TFAP2B: variants seen among roughly 807,000 people sequenced by gnomAD.
The protein encoded by TFAP2B is transcription factor AP-2 beta, also known as transcription factor AP-2-beta.
In TFAP2B, 9 loss-of-function variants were observed where a neutral mutation model predicts 44.3. The observed-to-expected ratio is 0.20, with a 90% confidence interval of 0.12 to 0.35. The LOEUF is 0.35. TFAP2B is among the 10% of genes least tolerant of loss of function. The probability of loss-of-function intolerance (pLI) is 1.00; values close to 1 mark genes in which losing one functional copy is unlikely to be tolerated. For missense variants in TFAP2B, 509 were observed against 600.0 expected (o/e 0.85, Z 1.59); for synonymous variants, 270 against 263.8 (o/e 1.02, Z -0.23).
chr6:50,828,386 G>T (rs988656583), intron 2 of TFAP2B, among the ~76,000 whole-genome samples: 2 of 152,094 alleles, frequency 1.3e-5, no homozygotes, highest in Non-Finnish European at 2.9e-5. Flanking sequence ...AACCAATGTT[G>T]CATCCCAGAT....
In TFAP2B at chr6:50,843,151, G is replaced by T. The variant is rs1475171659; in HGVS notation, c.1142G>T (p.Ser381Ile). The change falls in exon 7 of 7, where the codon AGC becomes ATC. Residue 381 changes from serine to isoleucine, a missense_variant. Physicochemically the swap from Ser to Ile is moderately radical, Grantham distance 142. Around this residue, in one of 3 missense-constraint regions of TFAP2B, gnomAD observed 168 missense variants for 183.2 expected, o/e 0.92. Transcript: ENST00000393655. ...CAGGACCGGACACCGATAGGGAACA[G>T]CCGACCCAGCCCCATCCTGGAGCCG... ...LAQDRTPIGN[S>I]RPSPILEPGI... 1 of 1,614,238 alleles carries T rather than the reference G, an allele frequency of 6.2e-7. No individual in the cohort carries two copies. Among genetic ancestry groups the T allele is most frequent in the African/African-American group, 1.3e-5 (1 of 75,066 alleles).
At chr6:50,823,932 G>T in intron 2 of TFAP2B, 67 bp downstream of exon 2, 8 of 1,468,584 alleles carry the variant, frequency 5.4e-6, no homozygotes, top group South Asian at 2.4e-5. Context: ...TGGAGGGGGG[G>T]AGGTCAGGAG....
chr6:50,831,508 G>T (rs879823651), intron 3 of TFAP2B, among the ~76,000 whole-genome samples: 3 of 152,052 alleles, frequency 2.0e-5, no homozygotes, highest in Non-Finnish European at 4.4e-5. Context: ...AATCTAAACC[G>T]GCAGAGGGTG....
Position 50,823,514 on chromosome 6 carries a change from G to T in TFAP2B, c.189G>T (p.Ser63=), listed in dbSNP as rs750506576. The change falls in exon 2 of 7, where the codon TCG becomes TCT. Residue 63 remains serine, a synonymous_variant. Coordinates refer to ENST00000393655, the MANE Select transcript of TFAP2B (RefSeq NM_003221.4). ...CGCCGCTGTCCCACACCCCGTCGTCGGACTTCCAGCCGCCCTACTTCCCAC... is the reference window on the plus strand; with the variant it reads ...CGCCGCTGTCCCACACCCCGTCGTCTGACTTCCAGCCGCCCTACTTCCCAC... The part of the protein sequence containing the change: ...SAPPLSHTPS[S]DFQPPYFPPP... 1.3e-5 allele frequency: 21 copies of T among 1,613,226 alleles called. No individual in the cohort carries two copies. The highest frequency in any genetic ancestry group is 2.2e-5 in the East Asian group (1 of 44,816).
In TFAP2B at chr6:50,843,232, C is replaced by T. The variant is rs777844146; in HGVS notation, c.1223C>T (p.Pro408Leu). ...CTCATCACGCACGGCTTCGGCGCCC[C>T]GGCCATTTGCGCCGCGCTCACGGCC... ...FSLITHGFGA[P>L]AICAALTALQ... The change falls in exon 7 of 7, where the codon CCG (proline) becomes CTG (leucine). Residue 408 changes from proline to leucine, a missense_variant. By Grantham distance (98) the Pro-to-Leu change is moderately conservative. Transcript: ENST00000393655. 6.2e-6 allele frequency: 10 copies of T among 1,614,212 alleles called. No homozygotes were observed. Among genetic ancestry groups the T allele is most frequent in the Non-Finnish European group, 8.5e-6 (10 of 1,180,050 alleles).
At chr6:50,819,619 C>T (rs539550372) in intron 1 of TFAP2B, among the ~76,000 whole-genome samples, 1 of 152,208 alleles carries the variant, frequency 6.6e-6, no homozygotes, top group Non-Finnish European at 1.5e-5. Context: ...GCATCTTTCA[C>T]GGAAATTTCT....
At chr6:50,824,953 G>A (rs907933946) in intron 2 of TFAP2B, among the ~76,000 whole-genome samples, 1 of 152,188 alleles carries the variant, frequency 6.6e-6, no homozygotes, top group African/African-American at 2.4e-5. Context: ...TATTTATTAT[G>A]CATCCTTTGA....
At chr6:50,826,586 C>CGTGT (rs61118072) in intron 2 of TFAP2B, among the ~76,000 whole-genome samples, 49 of 149,636 alleles carry the variant, frequency 3.3e-4, no homozygotes, top group South Asian at 1.9e-3. Flanking sequence ...CGCGCGCGCG[C>CGTGT]GTGTGTGTGT....
Position 50,823,418 on chromosome 6 carries a change from T to C in TFAP2B, c.93T>C (p.Asp31=). 6.3e-7 allele frequency: 1 copy of C among 1,596,742 alleles called. No individual in the cohort carries two copies. The highest frequency in any genetic ancestry group is 8.5e-7 in the Non-Finnish European group (1 of 1,172,028). ...KYEDIYEDRH[D]GVPSHSSRLS... ...CTCTCCGCTCCCAGGACCGGCACGA[T>C]GGTGTCCCGAGCCACAGCTCGCGGC... The change falls in exon 2 of 7, where the codon GAT becomes GAC. Residue 31 remains aspartate, a synonymous_variant. Transcript: ENST00000393655.
chr6:50,824,540 T>C (rs1770450419), intron 2 of TFAP2B, among the ~76,000 whole-genome samples: 1 of 152,204 alleles, frequency 6.6e-6, no homozygotes. Flanking sequence ...TCCATGATGG[T>C]AGATACCATT....
Position 50,843,445 on chromosome 6 carries a change from AC to A in TFAP2B, c.*54del, listed in dbSNP as rs1762775417. 1.3e-6 allele frequency: 2 copies of A among 1,544,606 alleles called. No homozygotes were observed. Among genetic ancestry groups the A allele is most frequent in the Non-Finnish European group, 1.8e-6 (2 of 1,137,198 alleles). ...GTTTTAAATACAAAAGGAAAAACAGACAAAAATTTAATTTTAGCTTTAAAAT... is the reference window on the plus strand; with the variant it reads ...GTTTTAAATACAAAAGGAAAAACAGAAAAAATTTAATTTTAGCTTTAAAAT... On this transcript the variant is annotated 3_prime_UTR_variant, in exon 7 of 7. Coordinates refer to ENST00000393655, the MANE Select transcript of TFAP2B (RefSeq NM_003221.4).
Position 50,823,274 on chromosome 6 carries a change from C to A in TFAP2B, c.82-133C>A, listed in dbSNP as rs140462208. On this transcript the variant is annotated intron_variant, in intron 1 of 6. Coordinates refer to ENST00000393655, the MANE Select transcript of TFAP2B (RefSeq NM_003221.4). Reference sequence around the variant, plus strand: ...CTTCCCTTGTCCCGGGAAGAGCGTACAAAAGCCGGGCTTCTCCATTTGTCA... The same window carrying A: ...CTTCCCTTGTCCCGGGAAGAGCGTAAAAAAGCCGGGCTTCTCCATTTGTCA... 5.5e-4 allele frequency: 455 copies of A among 832,514 alleles called. 4 individuals carry two copies. In the East Asian group the frequency reaches 0.012, roughly 22 times the overall value. 51.6% of individuals were successfully genotyped at this position (832,514 alleles called of 1,614,324 possible). A position where few individuals can be genotyped will look rare whatever the true frequency, so the allele number is the denominator to read the frequency against.
chr6:50,819,767 G>A (rs1243963685), intron 1 of TFAP2B, among the ~76,000 whole-genome samples: 2 of 152,310 alleles, frequency 1.3e-5, no homozygotes, highest in Non-Finnish European at 2.9e-5. Flanking sequence ...TTTCCGGCTC[G>A]GGCGAGGGCT....
At position 50,846,363 on chromosome 6, in the gene TFAP2B, A is replaced by G. The variant is rs1762849443; in HGVS notation, c.*2971A>G. The G allele has an allele frequency of 6.6e-6, 1 of 152,606 alleles. No homozygotes were observed. The highest frequency in any genetic ancestry group is 2.4e-5 in the African/African-American group (1 of 41,428). 9.5% of individuals were successfully genotyped at this position (152,606 alleles called of 1,614,324 possible). Reference sequence around the variant, plus strand: ...TTTCCTTGGGCCTATAAATCAATAAACAGTAGGATTAACGCAATAGTTTGC... The same window carrying G: ...TTTCCTTGGGCCTATAAATCAATAAGCAGTAGGATTAACGCAATAGTTTGC... On this transcript the variant is annotated 3_prime_UTR_variant, in exon 7 of 7. Transcript: ENST00000393655.
At chr6:50,819,737 A>G (rs572418882) in intron 1 of TFAP2B, among the ~76,000 whole-genome samples, 2 of 152,172 alleles carry the variant, frequency 1.3e-5, no homozygotes, top group Non-Finnish European at 2.9e-5. Context: ...CGGGGCCCGG[A>G]CCGCGCTCGC....
chr6:50,818,721 G>GT, upstream of TFAP2B: 3 of 626,498 alleles, frequency 4.8e-6, no homozygotes. Flanking sequence ...GTGCAATAAT[G>GT]TTTTTTCTCT....
rs543867178 is a variant in TFAP2B, at chr6:50,819,848, G to C, written c.81+876G>C. Among the ~76,000 whole-genome samples, 481 of 113,788 alleles carry C rather than the reference G, an allele frequency of 4.2e-3. 7 individuals carry two copies. Among genetic ancestry groups the C allele is most frequent in the African/African-American group, 0.016 (443 of 27,114 alleles). 74.6% of individuals were successfully genotyped at this position (113,788 alleles called of 152,430 possible). A position where few individuals can be genotyped will look rare whatever the true frequency, so the allele number is the denominator to read the frequency against. On this transcript the variant is annotated intron_variant, in intron 1 of 6. Coordinates refer to ENST00000393655, the MANE Select transcript of TFAP2B (RefSeq NM_003221.4). ...CGGACGAGGCGGCCGAGGCGGGCGA[G>C]GTGGGAGAGGCGGGCGAGGTGGGAG...
chr6:50,820,583 C>G (rs1275668031), intron 1 of TFAP2B, among the ~76,000 whole-genome samples: 1 of 152,242 alleles, frequency 6.6e-6, no homozygotes, highest in Non-Finnish European at 1.5e-5. Flanking sequence ...TCGACTGTAA[C>G]GAAGAGCCGC....
intron 1 of TFAP2B, among the ~76,000 whole-genome samples, chr6:50,820,549 T>C (rs72884921): frequency 0.1 from 15,932 of 152,332 alleles, 985 homozygotes; most frequent in Middle Eastern, 0.18. Flanking sequence ...CTTGGGGTTT[T>C]CCTTTTCTCT....
Sources: gnomAD v4.1 joint callset for allele counts (sites outside exome capture counted in the v4.1 genomes callset) on GRCh38, gnomAD v4.1.1 for gene constraint, gnomAD v4.1.1 regional missense constraint, MANE v1.5 for transcripts, NCBI Gene and HGNC (gene_info 2026-07-23, HGNC 2026-07-21) for gene names.